The following OXSR1 variants were observed in gnomAD, a reference collection of about 807,000 sequenced individuals.
OXSR1 encodes serine/threonine-protein kinase OSR1.
A neutral mutation model predicts 79.8 loss-of-function variants in OXSR1; 24 were observed. That is an observed-to-expected ratio of 0.30 (90% CI 0.22 to 0.42). The LOEUF (loss-of-function observed/expected upper bound fraction) is 0.42, where lower values mean the gene tolerates loss of function less well. OXSR1 is among the 10% of genes least tolerant of loss of function. OXSR1 has a pLI of 1.00. For missense variants in OXSR1, 430 were observed against 618.4 expected (o/e 0.70, Z 3.23); for synonymous variants, 226 against 209.2 (o/e 1.08, Z -0.69).
At chr3:38,179,359 G>T (rs1317802256) in intron 1 of OXSR1, among the ~76,000 whole-genome samples, 2 of 151,946 alleles carry the variant, frequency 1.3e-5, no homozygotes, top group African/African-American at 4.8e-5. Flanking sequence ...CATAGACAGG[G>T]TCTTGCCATG....
intron 6 of OXSR1, among the ~76,000 whole-genome samples, chr3:38,223,222 A>C (rs34595059): frequency 9.9e-5 from 15 of 152,086 alleles, no homozygotes; most frequent in African/African-American, 3.1e-4. Flanking sequence ...TGCAGCCTTG[A>C]ACTCCTGGGC....
intron 8 of OXSR1, among the ~76,000 whole-genome samples, chr3:38,229,434 A>G (rs1174164858): frequency 6.6e-6 from 1 of 152,030 alleles, no homozygotes; most frequent in African/African-American, 2.4e-5. Flanking sequence ...GCTTCCAGAA[A>G]AAACATTTCA....
At chr3:38,219,058 G>A (rs1202487408) in intron 5 of OXSR1, among the ~76,000 whole-genome samples, 1 of 152,074 alleles carries the variant, frequency 6.6e-6, no homozygotes, top group African/African-American at 2.4e-5. Flanking sequence ...AAAGGCAAAT[G>A]GCATTTTTGC....
intron 4 of OXSR1, among the ~76,000 whole-genome samples, chr3:38,213,839 GTA>G (rs1351205125): frequency 6.6e-6 from 1 of 152,150 alleles, no homozygotes; most frequent in Non-Finnish European, 1.5e-5. Context: ...TAAGCATAAT[GTA>G]TGTCTCTGTG....
rs1702878639 is a variant in OXSR1, at chr3:38,234,494, TACTC to T, written c.952-2343_952-2340del. Among the ~76,000 whole-genome samples, 5 of 152,250 alleles carry T rather than the reference TACTC, an allele frequency of 3.3e-5. No individual in the cohort carries two copies. The South Asian group carries it at 1.0e-3, about 31-fold the overall frequency. On this transcript the variant is annotated intron_variant, in intron 10 of 17. Transcript: ENST00000311806. ...AATGGCCAATAAACACATGAAAAGA[TACTC>T]AGTATTATTAGCCATCAGAGAAATG...
intron 1 of OXSR1, among the ~76,000 whole-genome samples, chr3:38,173,617 A>G (rs1032280911): frequency 6.6e-5 from 10 of 152,360 alleles, no homozygotes; most frequent in African/African-American, 2.2e-4. Flanking sequence ...GTGAATGTTA[A>G]TGTACATGAT....
intron 4 of OXSR1, among the ~76,000 whole-genome samples, chr3:38,203,337 C>T (rs539393894): frequency 2.0e-5 from 3 of 152,160 alleles, no homozygotes; most frequent in Non-Finnish European, 2.9e-5. Flanking sequence ...ATCAGCGCGC[C>T]CAGCCGTTCC....
chr3:38,188,694 C>T (rs1420677843), intron 2 of OXSR1, among the ~76,000 whole-genome samples: 4 of 152,120 alleles, frequency 2.6e-5, no homozygotes, highest in African/African-American at 9.7e-5. Context: ...CTTTCAAAGT[C>T]CTTTATGATC....
At chr3:38,230,469 C>A in intron 10 of OXSR1, 39 bp downstream of exon 10, 1 of 1,387,352 alleles carries the variant, frequency 7.2e-7, no homozygotes, top group Non-Finnish European at 1.0e-6. Flanking sequence ...GAAGAATTTA[C>A]TTTATTTTTG....
At chr3:38,231,298 A>G (rs564872920) in intron 10 of OXSR1, among the ~76,000 whole-genome samples, 55 of 152,272 alleles carry the variant, frequency 3.6e-4, no homozygotes, top group African/African-American at 1.3e-3. Context: ...TTCAGTGGCT[A>G]TAATGCATCG....
chr3:38,164,408 A>C (rs970232411), upstream of OXSR1, among the ~76,000 whole-genome samples: 1 of 151,944 alleles, frequency 6.6e-6, no homozygotes, highest in Non-Finnish European at 1.5e-5. Context: ...CGCCTCCCAA[A>C]GTGTTGGGAT....
At chr3:38,192,927 G>C (rs1267416865) in intron 3 of OXSR1, among the ~76,000 whole-genome samples, 1 of 152,150 alleles carries the variant, frequency 6.6e-6, no homozygotes. Flanking sequence ...ATCCACATTT[G>C]TTTAGTTTGC....
In OXSR1 at chr3:38,251,389, C is replaced by G; in HGVS notation, c.1376-14C>G. On this transcript the variant is annotated splice_polypyrimidine_tract_variant and intron_variant, in intron 15 of 17. Transcript: ENST00000311806. ...CGCACAAAAAACAGAGCACTGTCTT[C>G]TTTGTCCTTGCAGATACAGCAGAGG... 6.2e-7 allele frequency: 1 copy of G among 1,610,600 alleles called. No homozygotes were observed. Among genetic ancestry groups the G allele is most frequent in the Non-Finnish European group, 8.5e-7 (1 of 1,176,958 alleles).
At chr3:38,221,191 A>G (rs148277480) in intron 5 of OXSR1, among the ~76,000 whole-genome samples, 8 of 152,292 alleles carry the variant, frequency 5.3e-5, no homozygotes, top group African/African-American at 1.9e-4. Flanking sequence ...AGTGGTATGT[A>G]GAGTGGATTA....
At chr3:38,167,816 A>G (rs1701496695) in intron 1 of OXSR1, among the ~76,000 whole-genome samples, 1 of 152,152 alleles carries the variant, frequency 6.6e-6, no homozygotes, top group African/African-American at 2.4e-5. Flanking sequence ...ATTGAAGGAA[A>G]GGATTAAATG....
rs756270734 is a variant in OXSR1, at chr3:38,190,744, C to T, written c.197C>T (p.Ala66Val). 5 of 1,571,738 alleles carry T rather than the reference C, an allele frequency of 3.2e-6. No individual in the cohort carries two copies. Among genetic ancestry groups the T allele is most frequent in the Non-Finnish European group, 4.4e-6 (5 of 1,142,062 alleles). ...SMDELLKEIQAMSQCHHPNIV... is the reference protein window; with the variant it reads ...SMDELLKEIQVMSQCHHPNIV... ...TCTTCTTTGTAGAAAGAAATTCAAGCCATGAGTCAATGCCATCATCCTAAT... is the reference window on the plus strand; with the variant it reads ...TCTTCTTTGTAGAAAGAAATTCAAGTCATGAGTCAATGCCATCATCCTAAT... The change falls in exon 3 of 18, where the codon GCC becomes GTC. Residue 66 changes from alanine to valine, a missense_variant. Physicochemically the swap from Ala to Val is moderately conservative, Grantham distance 64. Around this residue, in one of 3 missense-constraint regions of OXSR1, gnomAD observed 145 missense variants for 228.3 expected, o/e 0.64. Coordinates refer to ENST00000311806, the MANE Select transcript of OXSR1 (RefSeq NM_005109.3).
chr3:38,215,867 A>G (rs1166189196), intron 4 of OXSR1, among the ~76,000 whole-genome samples: 1 of 152,170 alleles, frequency 6.6e-6, no homozygotes. Flanking sequence ...ATATTTGATC[A>G]CTTGTGTTTT....
At chr3:38,229,445 C>T (rs1370094212) in intron 8 of OXSR1, among the ~76,000 whole-genome samples, 1 of 151,892 alleles carries the variant, frequency 6.6e-6, no homozygotes, top group South Asian at 2.1e-4. Flanking sequence ...AAACATTTCA[C>T]TAATGATTTT....
At chr3:38,205,581 A>G (rs112226581) in intron 4 of OXSR1, among the ~76,000 whole-genome samples, 25 of 152,342 alleles carry the variant, frequency 1.6e-4, no homozygotes, top group Non-Finnish European at 1.6e-4. Flanking sequence ...CTGCTACAAC[A>G]GGCTAGTAGA....
Sources: gnomAD v4.1 joint callset for allele counts (sites outside exome capture counted in the v4.1 genomes callset) on GRCh38, gnomAD v4.1.1 for gene constraint, gnomAD v4.1.1 regional missense constraint, MANE v1.5 for transcripts, NCBI Gene and HGNC (gene_info 2026-07-23, HGNC 2026-07-21) for gene names.